The following FAM110B variants were observed in gnomAD, a reference collection of about 807,000 sequenced individuals.
FAM110B encodes family with sequence similarity 110 member B.
FAM110B carries 6 observed loss-of-function variants against 20.4 expected under a neutral mutation model. The observed-to-expected ratio is 0.29, with a 90% CI of 0.16 to 0.58. The LOEUF (loss-of-function observed/expected upper bound fraction) is 0.58, where lower values mean the gene tolerates loss of function less well. Among genes scored for constraint, FAM110B ranks in the 20% least tolerant of loss-of-function variants. The pLI, the probability that FAM110B is intolerant of heterozygous loss-of-function variation, is 0.90. For synonymous variants in FAM110B, 226 were observed against 214.1 expected (o/e 1.06, Z -0.49); for missense variants, 434 against 498.2 (o/e 0.87, Z 1.23).
At chr8:58,137,761 G>A (rs763270635) in intron 3 of FAM110B, among the ~76,000 whole-genome samples, 74 of 152,058 alleles carry the variant, frequency 4.9e-4, no homozygotes, top group East Asian at 9.7e-4. Context: ...TTCTTTTTCC[G>A]TGCCCTAAGC....
chr8:58,021,736 A>T (rs760105111), intron 1 of FAM110B, among the ~76,000 whole-genome samples: 62 of 152,164 alleles, frequency 4.1e-4, no homozygotes, highest in Non-Finnish European at 5.9e-4. Context: ...GGTATCATTT[A>T]TAGCACAATG....
At chr8:58,021,037 C>G (rs1351105599) in intron 1 of FAM110B, among the ~76,000 whole-genome samples, 1 of 152,116 alleles carries the variant, frequency 6.6e-6, no homozygotes, top group African/African-American at 2.4e-5. Context: ...TTATTTTGTC[C>G]AGGTAAAATT....
At chr8:58,003,078 A>G (rs1804330862) in intron 1 of FAM110B, among the ~76,000 whole-genome samples, 1 of 152,226 alleles carries the variant, frequency 6.6e-6, no homozygotes, top group Non-Finnish European at 1.5e-5. Context: ...TAAGTTATGT[A>G]ATATTCTAAA....
At chr8:58,136,029 T>TA (rs1803604203) in intron 3 of FAM110B, among the ~76,000 whole-genome samples, 1 of 65,088 alleles carries the variant, frequency 1.5e-5, no homozygotes, top group African/African-American at 6.3e-5. Context: ...TTTTTTTTTT[T>TA]AGACAGAGTA....
chr8:58,145,725 G>A (rs1407592573), intron 3 of FAM110B, among the ~76,000 whole-genome samples, 182 bp from the exon 4 acceptor site: 3 of 152,246 alleles, frequency 2.0e-5, no homozygotes, highest in Non-Finnish European at 4.4e-5. Context: ...GCGCGTCGGC[G>A]CAGGCGGGGG....
At chr8:58,093,584 T>C (rs145070372) in intron 3 of FAM110B, among the ~76,000 whole-genome samples, 2,925 of 152,302 alleles carry the variant, frequency 0.019, 49 homozygotes, top group South Asian at 0.094. Context: ...TTCTGAGGCC[T>C]GTGTTCTGTT....
At chr8:58,064,949 C>T (rs991841318) in intron 2 of FAM110B, among the ~76,000 whole-genome samples, 2 of 152,098 alleles carry the variant, frequency 1.3e-5, no homozygotes, top group African/African-American at 2.4e-5. Context: ...TGACTCTTAT[C>T]GAGACAGCTA....
chr8:57,994,691 A>G lies in FAM110B; in HGVS notation c.-627A>G, dbSNP rs1303401297. On this transcript the variant is annotated 5_prime_UTR_variant, in exon 1 of 4. Transcript: ENST00000519262. ...CGACCGTGAACACTCGGCGGCCCCT[A>G]CAGCCCGCTCTCGGCCCTTCGTCCC... 1 of 151,706 alleles carries G rather than the reference A, an allele frequency of 6.6e-6. No individual in the cohort carries two copies. Among genetic ancestry groups the G allele is most frequent in the Non-Finnish European group, 1.5e-5 (1 of 67,976 alleles). The allele number at this position is 151,706 out of a possible 1,614,324, so 9.4% of individuals were successfully genotyped here.
chr8:58,086,804 G>A (rs1300421676), intron 3 of FAM110B, among the ~76,000 whole-genome samples: 1 of 152,200 alleles, frequency 6.6e-6, no homozygotes, highest in Non-Finnish European at 1.5e-5. Context: ...CCCCAGTAAA[G>A]ACAAAGGAAT....
chr8:58,148,519 C>T lies in FAM110B; in HGVS notation c.*1176C>T, dbSNP rs1803924835. ...TGCCTATCAACTTGTCCCCTTTTTT[C>T]CCAATAACCTGTCTTCCAGGTGGTA... On this transcript the variant is annotated 3_prime_UTR_variant, in exon 4 of 4. Transcript: ENST00000519262. 6.0e-6 allele frequency: 1 copy of T among 166,950 alleles called. No homozygotes were observed. The highest frequency in any genetic ancestry group is 1.9e-4 in the East Asian group (1 of 5,194). The allele number at this position is 166,950 out of a possible 1,614,324, so 10.3% of individuals were successfully genotyped here. A position where few individuals can be genotyped will look rare whatever the true frequency, so the allele number is the denominator to read the frequency against.
chr8:58,075,267 T>TGTGTGTGTGTG lies in FAM110B; in HGVS notation c.-413-268_-413-267insGTGTGTGTGTG, dbSNP rs1554521043. ...CCACACTGAACTAATTTTTGCTTTT[T>TGTGTGTGTGTG]TTTTTTTTTGTGTGTGTGTGTGTGT... is the stretch of plus-strand genomic sequence containing the variant. On this transcript the variant is annotated intron_variant, in intron 2 of 3. Transcript: ENST00000519262. Among the ~76,000 whole-genome samples the TGTGTGTGTGTG allele has an allele frequency of 5.7e-3, 760 of 134,210 alleles. 9 individuals are homozygous for TGTGTGTGTGTG. The highest frequency in any genetic ancestry group is 0.025 in the African/African-American group (697 of 27,520). The allele number at this position is 134,210 out of a possible 152,430, so 88.0% of individuals were successfully genotyped here.
chr8:58,019,932 C>T (rs1212463751), intron 1 of FAM110B, among the ~76,000 whole-genome samples: 1 of 151,598 alleles, frequency 6.6e-6, no homozygotes, highest in Non-Finnish European at 1.5e-5. Context: ...CTATCCTTCC[C>T]TCTTTTCTCC....
chr8:58,004,668 C>G (rs1368967024), intron 1 of FAM110B, among the ~76,000 whole-genome samples: 1 of 152,188 alleles, frequency 6.6e-6, no homozygotes, highest in Non-Finnish European at 1.5e-5. Flanking sequence ...TTGCTTGAGC[C>G]CGGGAAGCGG....
rs1489221432 is a variant in FAM110B, at chr8:58,147,551, A to G, written c.*208A>G. On this transcript the variant is annotated 3_prime_UTR_variant, in exon 4 of 4. Transcript: ENST00000519262. Reference sequence around the variant, plus strand: ...CCTGGCTGAACACGCGTCATCTGCCAAAAGTTTCAGGCCAGAATCTAATTA... The same window carrying G: ...CCTGGCTGAACACGCGTCATCTGCCGAAAGTTTCAGGCCAGAATCTAATTA... The G allele has an allele frequency of 3.2e-6, 2 of 617,900 alleles. No homozygotes were observed. The highest frequency in any genetic ancestry group is 3.4e-5 in the Admixed American group (1 of 29,762). 38.3% of individuals were successfully genotyped at this position (617,900 alleles called of 1,614,324 possible). A position where few individuals can be genotyped will look rare whatever the true frequency, so the allele number is the denominator to read the frequency against.
chr8:58,008,348 G>T (rs1804457653), intron 1 of FAM110B, among the ~76,000 whole-genome samples: 1 of 151,970 alleles, frequency 6.6e-6, no homozygotes, highest in Non-Finnish European at 1.5e-5. Context: ...GGCCAGGCTG[G>T]TCTCAAACTC....
intron 3 of FAM110B, among the ~76,000 whole-genome samples, chr8:58,118,462 G>T (rs899541989): frequency 2.0e-5 from 3 of 152,170 alleles, no homozygotes; most frequent in African/African-American, 4.8e-5. Context: ...TTTCCGGTTG[G>T]GTCTGGGTGC....
intron 3 of FAM110B, among the ~76,000 whole-genome samples, chr8:58,119,218 A>G (rs544753770): frequency 1.3e-5 from 2 of 152,288 alleles, no homozygotes; most frequent in African/African-American, 2.4e-5. Context: ...CTGAGCTGCT[A>G]TAGCAAAATA....
intron 3 of FAM110B, among the ~76,000 whole-genome samples, chr8:58,115,691 A>C (rs1012970667): frequency 2.0e-5 from 3 of 152,120 alleles, no homozygotes; most frequent in African/African-American, 7.2e-5. Flanking sequence ...GAAGTATCTA[A>C]GAGCACCTTG....
chr8:58,088,561 C>T (rs1806394948), intron 3 of FAM110B, among the ~76,000 whole-genome samples: 1 of 152,122 alleles, frequency 6.6e-6, no homozygotes, highest in Admixed American at 6.5e-5. Flanking sequence ...ATTTAACAAA[C>T]CAAATTATAT....
Sources: gnomAD v4.1 joint callset for allele counts (sites outside exome capture counted in the v4.1 genomes callset) on GRCh38, gnomAD v4.1.1 for gene constraint, MANE v1.5 for transcripts, NCBI Gene and HGNC (gene_info 2026-07-23, HGNC 2026-07-21) for gene names.